PDE2A: variants seen among roughly 807,000 people sequenced by gnomAD.
PDE2A encodes phosphodiesterase 2A, also known as cGMP-dependent 3',5'-cyclic phosphodiesterase.
In PDE2A, 53 loss-of-function variants were observed where a neutral mutation model predicts 133.6. The ratio of observed to expected loss-of-function variants is 0.40; its 90% CI spans 0.32 to 0.50. The LOEUF is 0.50. Ranked by LOEUF, PDE2A falls within the 20% of genes least tolerant of loss-of-function variation. PDE2A has a pLI of 0.73. For synonymous variants in PDE2A, 491 were observed against 490.2 expected (o/e 1.00, Z -0.02); for missense variants, 796 against 1,232.4 (o/e 0.65, Z 5.30).
chr11:72,582,525 G>T lies in PDE2A; in HGVS notation c.1770C>A (p.Ile590=). 1 of 1,613,304 alleles carries T rather than the reference G, an allele frequency of 6.2e-7. No homozygotes were observed. The highest frequency in any genetic ancestry group is 8.5e-7 in the Non-Finnish European group (1 of 1,179,276). The change falls in exon 21 of 31, where the codon ATC becomes ATA. Residue 590 remains isoleucine (I), a synonymous_variant. Coordinates refer to ENST00000334456, the MANE Select transcript of PDE2A (RefSeq NM_002599.5). Reference sequence around the variant, plus strand: ...TGGAGTCAATGGCAGCCACAGGCTGGATCCCATCATGGAGAAGTTTGGTAT... The same window carrying T: ...TGGAGTCAATGGCAGCCACAGGCTGTATCCCATCATGGAGAAGTTTGGTAT... ...DEYTKLLHDG[I]QPVAAIDSNF... is the part of the protein sequence containing the mutation.
At position 72,586,192 on chromosome 11, in the gene PDE2A, G is replaced by C. The variant is rs1167523862; in HGVS notation, c.1071-11C>G. The C allele has an allele frequency of 3.3e-6, 5 of 1,523,368 alleles. No homozygotes were observed. In the East Asian group the frequency reaches 1.1e-4, roughly 34 times the overall value. The allele number at this position is 1,523,368 out of a possible 1,614,324, so 94.4% of individuals were successfully genotyped here. On this transcript the variant is annotated splice_polypyrimidine_tract_variant and intron_variant, in intron 13 of 30. Transcript: ENST00000334456. ...TCCTCGTCGGTGAACCTGGAGGAGG[G>C]GGTGGGCTCACTCAGGAGGGAAGGG...
chr11:72,645,313 C>T (rs1222997461), intron 1 of PDE2A, among the ~76,000 whole-genome samples: 1 of 152,186 alleles, frequency 6.6e-6, no homozygotes, highest in African/African-American at 2.4e-5. Context: ...TAAACAAGTG[C>T]ACTGCTTTCT....
chr11:72,633,559 C>T (rs1858527459), intron 2 of PDE2A, among the ~76,000 whole-genome samples: 1 of 152,178 alleles, frequency 6.6e-6, no homozygotes, highest in Non-Finnish European at 1.5e-5. Flanking sequence ...TCCAGGGTGG[C>T]CTCCTGATGG....
At position 72,590,230 on chromosome 11, in the gene PDE2A, G is replaced by A; in HGVS notation, c.718C>T (p.Leu240=). Residue 240 remains leucine (L), a synonymous_variant, in exon 9 of 31, where the codon CTG becomes TTG. Transcript: ENST00000334456. This position sits in a 1 kb window ranked among gnomAD's most constrained non-coding sequence, Gnocchi z 4.8. ...ILQLCGELYD[L]DASSLQLKVL... ...TTGAGCTGCAGGGAAGAGGCATCCAGGTCGTAGAGTTCCCCTGCAAGGGCC... is the reference window on the plus strand; with the variant it reads ...TTGAGCTGCAGGGAAGAGGCATCCAAGTCGTAGAGTTCCCCTGCAAGGGCC... 1 of 1,551,690 alleles carries A rather than the reference G, an allele frequency of 6.4e-7. No individual in the cohort carries two copies. The highest frequency in any genetic ancestry group is 8.7e-7 in the Non-Finnish European group (1 of 1,146,950).
At chr11:72,648,699 GC>G in intron 1 of PDE2A, among the ~76,000 whole-genome samples, 1 of 152,114 alleles carries the variant, frequency 6.6e-6, no homozygotes. Context: ...GGGGGCTCGA[GC>G]CCCAGCATAC....
intron 1 of PDE2A, among the ~76,000 whole-genome samples, chr11:72,651,779 T>C (rs1854748864): frequency 6.6e-6 from 1 of 152,204 alleles, no homozygotes; most frequent in African/African-American, 2.4e-5. Context: ...TCTTTAACCC[T>C]TTCCTGGCTG....
At chr11:72,658,862 AT>A (rs913415295) in intron 1 of PDE2A, among the ~76,000 whole-genome samples, 10 of 148,874 alleles carry the variant, frequency 6.7e-5, no homozygotes, top group Admixed American at 1.3e-4. Context: ...GAGTCTTCTA[AT>A]TTTTTTTTTC....
rs1361324672 is a variant in PDE2A, at chr11:72,579,517, A to T, written c.2256+17T>A. The T allele has an allele frequency of 2.2e-6, 2 of 897,190 alleles. No individual in the cohort carries two copies. Among genetic ancestry groups the T allele is most frequent in the Non-Finnish European group, 3.3e-6 (2 of 613,254 alleles). The allele number at this position is 897,190 out of a possible 1,614,324, so 55.6% of individuals were successfully genotyped here. ...CCAGCTCCCCCTCAATCCCCACCCC[A>T]CCCCCAACCCCATCACCTTCCGGGA... On this transcript the variant is annotated intron_variant, in intron 26 of 30. Coordinates refer to ENST00000334456, the MANE Select transcript of PDE2A (RefSeq NM_002599.5).
chr11:72,586,950 G>A (rs1053728123), intron 13 of PDE2A, among the ~76,000 whole-genome samples: 5 of 152,142 alleles, frequency 3.3e-5, no homozygotes, highest in African/African-American at 1.2e-4. Context: ...GGGTCTGTCT[G>A]CACACCTTTC....
At chr11:72,593,605 G>T (rs978543226) in intron 6 of PDE2A, among the ~76,000 whole-genome samples, 7 of 152,164 alleles carry the variant, frequency 4.6e-5, no homozygotes, top group Admixed American at 2.0e-4. Context: ...GGAAGAGTGG[G>T]CACAAATCAG....
At chr11:72,662,187 C>G (rs572410628) in intron 1 of PDE2A, among the ~76,000 whole-genome samples, 1 of 152,246 alleles carries the variant, frequency 6.6e-6, no homozygotes, top group South Asian at 2.1e-4. Flanking sequence ...CAGTTGCACA[C>G]AGTAACACCT....
At chr11:72,581,606 C>A in intron 22 of PDE2A, 127 bp from the exon 23 acceptor site, 1 of 1,113,536 alleles carries the variant, frequency 9.0e-7, no homozygotes. Flanking sequence ...ATGACTCTGT[C>A]TTAGCAGGAA....
At chr11:72,607,438 G>A (rs1361464551) in intron 3 of PDE2A, among the ~76,000 whole-genome samples, 1 of 152,138 alleles carries the variant, frequency 6.6e-6, no homozygotes, top group Non-Finnish European at 1.5e-5. Flanking sequence ...CAGCCCAGAT[G>A]TTGCCTTAGT....
chr11:72,612,341 G>A (rs998175746), intron 2 of PDE2A, among the ~76,000 whole-genome samples: 1 of 150,600 alleles, frequency 6.6e-6, no homozygotes, highest in African/African-American at 2.5e-5. Flanking sequence ...CTCGGGATGG[G>A]GTGAAGGAGG....
intron 18 of PDE2A, 105 bp downstream of exon 18, chr11:72,584,446 G>A: frequency 7.3e-7 from 1 of 1,374,908 alleles, no homozygotes; most frequent in Non-Finnish European, 1.0e-6. Flanking sequence ...ACTCCCTTAT[G>A]CTCCGGGACG....
chr11:72,591,418 G>T, intron 6 of PDE2A, 62 bp from the exon 7 acceptor site: 1 of 1,320,834 alleles, frequency 7.6e-7, no homozygotes, highest in East Asian at 2.3e-5. Flanking sequence ...CTGCCAGAGT[G>T]CCCTCCCCAT....
chr11:72,580,673 G>C (rs767109184), intron 24 of PDE2A, 49 bp from the exon 25 acceptor site: 3 of 1,426,698 alleles, frequency 2.1e-6, no homozygotes, highest in South Asian at 2.4e-5. Flanking sequence ...CCGGATCCAA[G>C]TGCCACTGCT....
intron 1 of PDE2A, among the ~76,000 whole-genome samples, chr11:72,651,595 C>A (rs1193997209): frequency 6.6e-6 from 1 of 152,154 alleles, no homozygotes; most frequent in Admixed American, 6.5e-5. Context: ...AACTGGGGAT[C>A]AACTGGCCTT....
rs181741249 is a variant in PDE2A, at chr11:72,584,124, C to T, written c.1650+77G>A. On this transcript the variant is annotated intron_variant, in intron 19 of 30. Transcript: ENST00000334456. ...GGATCAATCCACAAGGAGAGTCAGT[C>T]GGAGGAGGAGAACCGAGGGTCCTTC... 1.4e-4 allele frequency: 107 copies of T among 761,476 alleles called. No homozygotes were observed. In the East Asian group the frequency reaches 2.3e-3, roughly 16 times the overall value. The allele number at this position is 761,476 out of a possible 1,614,324, so 47.2% of individuals were successfully genotyped here.
Sources: gnomAD v4.1 joint callset for allele counts (sites outside exome capture counted in the v4.1 genomes callset) on GRCh38, gnomAD v4.1.1 for gene constraint, Gnocchi (gnomAD v3.1) non-coding constraint, MANE v1.5 for transcripts, NCBI Gene and HGNC (gene_info 2026-07-23, HGNC 2026-07-21) for gene names.